The following SGCZ variants were observed in gnomAD, a reference collection of about 807,000 sequenced individuals.
The protein encoded by SGCZ is sarcoglycan zeta.
A neutral mutation model predicts 41.3 loss-of-function variants in SGCZ; 40 were observed. The ratio of observed to expected loss-of-function variants is 0.97; its 90% confidence interval spans 0.75 to 1.26. The LOEUF (loss-of-function observed/expected upper bound fraction) is 1.26. Among genes scored for constraint, SGCZ ranks in the 50% most tolerant of loss-of-function variants. The pLI is 0.00. For synonymous variants in SGCZ, 206 were observed against 137.5 expected (o/e 1.50, Z -3.49); for missense variants, 552 against 369.8 (o/e 1.49, Z -4.04).
intron 1 of SGCZ, among the ~76,000 whole-genome samples, chr8:14,854,862 G>A (rs556749095): frequency 6.6e-6 from 1 of 151,842 alleles, no homozygotes; most frequent in South Asian, 2.1e-4. Flanking sequence ...TGCTACCCTA[G>A]ACATCAAAGG....
intron 2 of SGCZ, among the ~76,000 whole-genome samples, chr8:14,359,829 A>G (rs28780745): frequency 1.3e-5 from 2 of 151,480 alleles, no homozygotes; most frequent in Non-Finnish European, 2.9e-5. Flanking sequence ...AAAAAAAAAA[A>G]CAAATATCCC....
At position 14,090,299 on chromosome 8, in the gene SGCZ, G is replaced by A; in HGVS notation, c.*144C>T. On this transcript the variant is annotated 3_prime_UTR_variant, in exon 8 of 8. Coordinates refer to ENST00000382080, the MANE Select transcript of SGCZ (RefSeq NM_139167.4). ...GTACAGTAAATCACAAGAGAAGGTG[G>A]TGGCGAATCCCTGCTCACACTGGAA... is the stretch of plus-strand genomic sequence containing the variant. 1.4e-6 allele frequency: 1 copy of A among 731,322 alleles called. No individual in the cohort carries two copies. Among genetic ancestry groups the A allele is most frequent in the Non-Finnish European group, 2.2e-6 (1 of 464,464 alleles). 45.3% of individuals were successfully genotyped at this position (731,322 alleles called of 1,614,324 possible).
intron 2 of SGCZ, among the ~76,000 whole-genome samples, chr8:14,532,182 G>A (rs1047867765): frequency 2.0e-5 from 3 of 151,986 alleles, no homozygotes; most frequent in African/African-American, 7.2e-5. Flanking sequence ...ATCAAAGTAA[G>A]GCACTAAAAA....
intron 1 of SGCZ, among the ~76,000 whole-genome samples, chr8:14,787,508 A>G (rs938058803): frequency 1.3e-5 from 2 of 152,078 alleles, no homozygotes. Context: ...CAGTGGAATC[A>G]CTCTTTAAAA....
At chr8:14,782,375 TTC>T (rs1428518788) in intron 1 of SGCZ, among the ~76,000 whole-genome samples, 1 of 152,214 alleles carries the variant, frequency 6.6e-6, no homozygotes, top group Non-Finnish European at 1.5e-5. Flanking sequence ...TAATGTAAGC[TTC>T]TGTTTTGTTT....
intron 1 of SGCZ, among the ~76,000 whole-genome samples, chr8:14,871,601 C>T (rs934793214): frequency 2.0e-5 from 3 of 151,768 alleles, no homozygotes; most frequent in African/African-American, 4.8e-5. Flanking sequence ...GTCAAGAAAT[C>T]GAGACCATCC....
At chr8:14,909,289 C>T (rs1246989387) in intron 1 of SGCZ, among the ~76,000 whole-genome samples, 1 of 152,086 alleles carries the variant, frequency 6.6e-6, no homozygotes, top group East Asian at 1.9e-4. Flanking sequence ...TCCTCTAAAT[C>T]CAGTTGTCTA....
chr8:14,740,135 G>A (rs1799156911), intron 1 of SGCZ, among the ~76,000 whole-genome samples: 1 of 151,950 alleles, frequency 6.6e-6, no homozygotes, highest in African/African-American at 2.4e-5. Context: ...AACTTCTAGA[G>A]GTTACTTTCA....
At chr8:15,097,401 A>G (rs1311604189) in intron 1 of SGCZ, among the ~76,000 whole-genome samples, 1 of 152,090 alleles carries the variant, frequency 6.6e-6, no homozygotes, top group East Asian at 1.9e-4. Context: ...GGCAACCGCA[A>G]CTATAGTCAG....
At chr8:14,124,278 C>T (rs552076819) in intron 5 of SGCZ, among the ~76,000 whole-genome samples, 1 of 152,216 alleles carries the variant, frequency 6.6e-6, no homozygotes, top group South Asian at 2.1e-4. Context: ...CCTTCACTCC[C>T]TCTTTCTCCT....
At chr8:14,398,175 A>G (rs141801481) in intron 2 of SGCZ, among the ~76,000 whole-genome samples, 95 of 152,284 alleles carry the variant, frequency 6.2e-4, no homozygotes, top group African/African-American at 2.3e-3. Context: ...TGTGTGCCTG[A>G]TAGACCTGAA....
chr8:14,599,990 C>T (rs1281750849), intron 1 of SGCZ, among the ~76,000 whole-genome samples: 2 of 152,144 alleles, frequency 1.3e-5, no homozygotes, highest in African/African-American at 2.4e-5. Context: ...GTAGCCTTCA[C>T]ATTTTCTTTC....
intron 1 of SGCZ, among the ~76,000 whole-genome samples, chr8:15,160,179 T>C (rs1799468139): frequency 6.6e-6 from 1 of 152,184 alleles, no homozygotes. Flanking sequence ...TCTGTGAATC[T>C]GACTACTCTA....
At chr8:14,910,229 GATAATT>G (rs1376994293) in intron 1 of SGCZ, among the ~76,000 whole-genome samples, 1 of 151,930 alleles carries the variant, frequency 6.6e-6, no homozygotes, top group East Asian at 1.9e-4. Context: ...ATTTGATAAG[GATAATT>G]CCCAGTTGGT....
At chr8:14,674,443 C>T (rs978547094) in intron 1 of SGCZ, among the ~76,000 whole-genome samples, 1 of 152,026 alleles carries the variant, frequency 6.6e-6, no homozygotes, top group Non-Finnish European at 1.5e-5. Flanking sequence ...CTAAATGGAG[C>T]ATATTATGTT....
rs142987038 is a variant in SGCZ, at chr8:15,121,216, T to TA, written c.39+116368dup. ...AATTTGAAGTTATATTTTGTAGTTT[T>TA]AAAAAACCAGCATTGTCCAGAAAAA... On this transcript the variant is annotated intron_variant, in intron 1 of 7. Transcript: ENST00000382080. Among the ~76,000 whole-genome samples the TA allele has an allele frequency of 9.6e-3, 1,469 of 152,290 alleles. 74 individuals carry two copies. The East Asian group carries it at 0.14, about 15-fold the overall frequency.
At chr8:14,138,545 T>C (rs1803272836) in intron 5 of SGCZ, among the ~76,000 whole-genome samples, 2 of 149,086 alleles carry the variant, frequency 1.3e-5, no homozygotes, top group Admixed American at 6.7e-5. Flanking sequence ...GCATTTCTAG[T>C]CTCTGATAAA....
intron 1 of SGCZ, among the ~76,000 whole-genome samples, chr8:14,984,145 G>T (rs1252876432): frequency 6.6e-6 from 1 of 152,024 alleles, no homozygotes; most frequent in Non-Finnish European, 1.5e-5. Context: ...TAGTATAATG[G>T]ACCCACATGT....
chr8:14,227,443 T>C (rs1020544483), intron 4 of SGCZ, among the ~76,000 whole-genome samples: 1 of 152,014 alleles, frequency 6.6e-6, no homozygotes. Flanking sequence ...AAATAAGCCA[T>C]GACAAAATGA....
Sources: allele counts gnomAD v4.1 joint callset (sites outside exome capture counted in the v4.1 genomes callset), GRCh38; gene constraint gnomAD v4.1.1; transcripts MANE v1.5; gene names NCBI Gene and HGNC (gene_info 2026-07-23, HGNC 2026-07-21).